Variants in CAB39L observed in about 807,000 individuals in gnomAD.
CAB39L encodes the protein calcium binding protein 39 like.
In CAB39L, 23 loss-of-function variants were observed where a neutral mutation model predicts 39.1. The observed-to-expected ratio is 0.59, with a 90% confidence interval of 0.42 to 0.83. The LOEUF is 0.83. Among genes scored for constraint, CAB39L ranks in the 40% least tolerant of loss-of-function variants. CAB39L has a pLI of 0.00. For missense variants in CAB39L, 366 were observed against 391.9 expected, an observed-to-expected ratio of 0.93 and a Z score of 0.56; for synonymous variants, 126 against 137.2, an observed-to-expected ratio of 0.92 and a Z score of 0.57.
At position 49,392,238 on chromosome 13, in the gene CAB39L, A is replaced by C. The variant is rs76239764; in HGVS notation, c.-31-9297T>G. 4.5e-3 allele frequency among the ~76,000 whole-genome samples: 680 copies of C among 152,298 alleles called. 6 individuals are homozygous for C. The highest frequency in any genetic ancestry group is 0.016 in the African/African-American group (651 of 41,560). The stretch of plus-strand genomic sequence containing the variant: ...ACATATAAAGCCAATTACCCTTGCA[A>C]ATTTAATACTATTTCATATGTATAT... On this transcript the variant is annotated intron_variant, in intron 3 of 10. Transcript: ENST00000409308.
At chr13:49,416,280 T>C (rs917987687) in intron 3 of CAB39L, among the ~76,000 whole-genome samples, 2 of 152,288 alleles carry the variant, frequency 1.3e-5, no homozygotes, top group Admixed American at 6.5e-5. Flanking sequence ...ATTGCCCTTC[T>C]ACAGAATGTG....
At chr13:49,342,901 T>C (rs1289677791) in intron 8 of CAB39L, among the ~76,000 whole-genome samples, 1 of 152,224 alleles carries the variant, frequency 6.6e-6, no homozygotes, top group African/African-American at 2.4e-5. Flanking sequence ...ATTTTCCATA[T>C]TGATTGTACA....
intron 7 of CAB39L, among the ~76,000 whole-genome samples, chr13:49,349,911 C>T (rs901144337): frequency 2.6e-5 from 4 of 152,160 alleles, no homozygotes; most frequent in African/African-American, 9.7e-5. Context: ...TAACATCACT[C>T]ATTAGATGAC....
At chr13:49,346,058 C>CACATATATATATGCTAGATATAT (rs1955145395) in intron 7 of CAB39L, among the ~76,000 whole-genome samples, 2 of 66,414 alleles carry the variant, frequency 3.0e-5, no homozygotes, top group African/African-American at 1.1e-4. Flanking sequence ...ATTCCTCCAG[C>CACATATATATATGCTAGATATAT]ATATATATAT....
At chr13:49,311,014 T>C in intron 10 of CAB39L, 21 bp from the exon 11 acceptor site, 2 of 1,608,586 alleles carry the variant, frequency 1.2e-6, no homozygotes, top group Non-Finnish European at 1.7e-6. Context: ...AAGAAACAAA[T>C]ACTTAGGAGT....
chr13:49,436,331 CA>C (rs1054033091), intron 1 of CAB39L, among the ~76,000 whole-genome samples: 1 of 152,198 alleles, frequency 6.6e-6, no homozygotes, highest in African/African-American at 2.4e-5. Context: ...AGAATGTTTT[CA>C]TGGATTGAAA....
At chr13:49,382,670 T>G in intron 4 of CAB39L, 130 bp downstream of exon 4, 1 of 625,038 alleles carries the variant, frequency 1.6e-6, no homozygotes, top group Non-Finnish European at 2.8e-6. Flanking sequence ...GAAATCAACT[T>G]AAATCTATTT....
chr13:49,437,709 T>C (rs903032465), intron 1 of CAB39L, among the ~76,000 whole-genome samples: 1 of 152,236 alleles, frequency 6.6e-6, no homozygotes, highest in African/African-American at 2.4e-5. Context: ...TGCTTACATA[T>C]CAATAAATTT....
intron 3 of CAB39L, among the ~76,000 whole-genome samples, chr13:49,422,560 G>A (rs7990217): frequency 0.025 from 3,730 of 152,082 alleles, 141 homozygotes; most frequent in African/African-American, 0.079. Flanking sequence ...GAGACAGAGC[G>A]AGACTCTGTC....
intron 6 of CAB39L, among the ~76,000 whole-genome samples, chr13:49,353,893 T>C (rs1186122073): frequency 1.3e-5 from 2 of 152,102 alleles, no homozygotes; most frequent in Non-Finnish European, 2.9e-5. Flanking sequence ...GAAGAGTGCC[T>C]ATTATAATGT....
chr13:49,426,511 C>T (rs1297552779), intron 3 of CAB39L, among the ~76,000 whole-genome samples: 1 of 152,158 alleles, frequency 6.6e-6, no homozygotes, highest in East Asian at 1.9e-4. Flanking sequence ...ACTGCAAGCT[C>T]CGCCTCCCGG....
At chr13:49,376,920 T>C in intron 5 of CAB39L, 47 bp downstream of exon 5, 1 of 1,440,576 alleles carries the variant, frequency 6.9e-7, no homozygotes, top group East Asian at 2.3e-5. Context: ...GATAGATAGA[T>C]ATTAAAATTG....
Position 49,443,972 on chromosome 13 carries a change from A to T in CAB39L, c.-246+14T>A. On this transcript the variant is annotated intron_variant, in intron 1 of 10. Transcript: ENST00000409308. ...CAGTCCCAGCCACACACAAGATGGC[A>T]GCCTCACACCTACCGGAGGAAACAG... 1 of 456,742 alleles carries T rather than the reference A, an allele frequency of 2.2e-6. No homozygotes were observed. Among genetic ancestry groups the T allele is most frequent in the Non-Finnish European group, 4.4e-6 (1 of 226,962 alleles). The allele number at this position is 456,742 out of a possible 1,614,324, so 28.3% of individuals were successfully genotyped here.
At chr13:49,369,849 G>C (rs1044545761) in intron 5 of CAB39L, among the ~76,000 whole-genome samples, 2 of 152,256 alleles carry the variant, frequency 1.3e-5, no homozygotes, top group Middle Eastern at 6.8e-3. Context: ...GCCTCCCAAA[G>C]TGCTGGGATT....
chr13:49,319,401 G>C (rs540161870), intron 10 of CAB39L, among the ~76,000 whole-genome samples: 37 of 152,166 alleles, frequency 2.4e-4, no homozygotes, highest in African/African-American at 8.9e-4. Context: ...CAGATCCATG[G>C]AGCCAGAAAG....
chr13:49,351,686 G>A (rs548704156), intron 6 of CAB39L, among the ~76,000 whole-genome samples: 6 of 152,302 alleles, frequency 3.9e-5, no homozygotes, highest in African/African-American at 1.4e-4. Context: ...AAGAACAGGA[G>A]CAGAACCCAG....
chr13:49,362,328 G>A (rs1955659167), intron 5 of CAB39L, among the ~76,000 whole-genome samples: 1 of 151,676 alleles, frequency 6.6e-6, no homozygotes, highest in African/African-American at 2.4e-5. Flanking sequence ...ACTATTTTGA[G>A]GAAAATCAAA....
At chr13:49,324,585 T>C (rs1954445487) in intron 10 of CAB39L, among the ~76,000 whole-genome samples, 1 of 152,272 alleles carries the variant, frequency 6.6e-6, no homozygotes, top group Non-Finnish European at 1.5e-5. Flanking sequence ...TGGGGCTATG[T>C]AGAAGAAAGA....
At chr13:49,340,479 G>A (rs979952258) in intron 8 of CAB39L, among the ~76,000 whole-genome samples, 1 of 152,194 alleles carries the variant, frequency 6.6e-6, no homozygotes, top group Non-Finnish European at 1.5e-5. Flanking sequence ...CAAGTGCGAG[G>A]GGAGAGTGTG....
Sources: gnomAD v4.1 joint callset for allele counts (sites outside exome capture counted in the v4.1 genomes callset) on GRCh38, gnomAD v4.1.1 for gene constraint, MANE v1.5 for transcripts, NCBI Gene and HGNC (gene_info 2026-07-23, HGNC 2026-07-21) for gene names.